Variants in ADGB observed in about 807,000 individuals in gnomAD.
The protein encoded by ADGB is calpain-7-like protein.
A neutral mutation model predicts 210.5 loss-of-function variants in ADGB; 172 were observed. That is an observed-to-expected ratio of 0.82 (90% confidence interval 0.72 to 0.93). The LOEUF (loss-of-function observed/expected upper bound fraction) is 0.93. Among genes scored for constraint, ADGB ranks in the 40% least tolerant of loss-of-function variants. The probability of loss-of-function intolerance (pLI) is 0.00; values close to 1 mark genes in which losing one functional copy is unlikely to be tolerated. For synonymous variants in ADGB, 658 were observed against 662.7 expected (o/e 0.99, Z 0.11); for missense variants, 2,025 against 1,964.8 (o/e 1.03, Z -0.58).
intron 32 of ADGB, 129 bp from the exon 33 acceptor site, chr6:146,788,260 T>C (rs1777906300): frequency 2.4e-6 from 2 of 838,142 alleles, no homozygotes; most frequent in Non-Finnish European, 3.8e-6. Flanking sequence ...GCTAGTGCTC[T>C]GGTTAGAAGT....
rs544263462 is a variant in ADGB, at chr6:146,712,802, G to A, written c.1708-2580G>A. Among the ~76,000 whole-genome samples the A allele has an allele frequency of 2.4e-4, 36 of 152,060 alleles. No individual in the cohort carries two copies. The East Asian group carries it at 3.1e-3, about 13-fold the overall frequency. ...TTTACCATCTTAACCATTTTTAAGC[G>A]TGCAGTTCAGTAGTATTGAATACAT... On this transcript the variant is annotated intron_variant, in intron 13 of 35. Transcript: ENST00000397944.
At chr6:146,778,416 G>T (rs1777753172) in intron 29 of ADGB, among the ~76,000 whole-genome samples, 1 of 152,240 alleles carries the variant, frequency 6.6e-6, no homozygotes, top group South Asian at 2.1e-4. Flanking sequence ...TAGGAGAAAA[G>T]GTGTCCTCTG....
At chr6:146,807,192 G>GC (rs1778224350) in intron 35 of ADGB, among the ~76,000 whole-genome samples, 1 of 152,046 alleles carries the variant, frequency 6.6e-6, no homozygotes, top group South Asian at 2.1e-4. Context: ...TTTTTATTTT[G>GC]CCGTACTGTG....
chr6:146,781,643 G>A (rs1211853569), intron 29 of ADGB, among the ~76,000 whole-genome samples: 3 of 151,920 alleles, frequency 2.0e-5, no homozygotes, highest in Non-Finnish European at 4.4e-5. Context: ...CAGAAGTAAG[G>A]GAATAATAAA....
At chr6:146,813,344 G>A (rs1468758760) in intron 35 of ADGB, among the ~76,000 whole-genome samples, 1 of 152,218 alleles carries the variant, frequency 6.6e-6, no homozygotes, top group East Asian at 1.9e-4. Context: ...ATGGATATTA[G>A]GGTCCGTTGG....
At chr6:146,703,972 CTTA>C (rs753200926) in intron 13 of ADGB, among the ~76,000 whole-genome samples, 2 of 151,708 alleles carry the variant, frequency 1.3e-5, no homozygotes, top group Non-Finnish European at 3.0e-5. Context: ...CTTACTAACA[CTTA>C]TTTTTGTATT....
At chr6:146,673,582 AT>A (rs1376862517) in intron 8 of ADGB, among the ~76,000 whole-genome samples, 1 of 152,160 alleles carries the variant, frequency 6.6e-6, no homozygotes, top group Non-Finnish European at 1.5e-5. Context: ...ATAAAAAGCA[AT>A]TCTCTACTTT....
chr6:146,647,604 G>A lies in ADGB; in HGVS notation c.330+2739G>A, dbSNP rs186604206. On this transcript the variant is annotated intron_variant, in intron 3 of 35. Coordinates refer to ENST00000397944, the MANE Select transcript of ADGB (RefSeq NM_024694.4). ...TCAAGTTATAGTTTGGGAAAACATT[G>A]TGTTTATTCTGTATTTATTACTTTT... Among the ~76,000 whole-genome samples the A allele has an allele frequency of 4.9e-3, 751 of 152,072 alleles. 6 individuals are homozygous for A. Among genetic ancestry groups the A allele is most frequent in the African/African-American group, 0.017 (705 of 41,526 alleles).
intron 33 of ADGB, among the ~76,000 whole-genome samples, chr6:146,795,058 A>G (rs1337238999): frequency 1.3e-5 from 2 of 152,204 alleles, no homozygotes; most frequent in African/African-American, 4.8e-5. Flanking sequence ...AGCCAGGATT[A>G]AAAATAAATA....
chr6:146,687,120 G>A (rs1427317837), intron 10 of ADGB, among the ~76,000 whole-genome samples: 1 of 151,892 alleles, frequency 6.6e-6, no homozygotes, highest in Non-Finnish European at 1.5e-5. Context: ...TCCTGAATAT[G>A]GCAGTTTCAC....
At position 146,654,195 on chromosome 6, in the gene ADGB, C is replaced by T. The variant is rs1252172669; in HGVS notation, c.391C>T (p.Leu131Phe). ...FDLFSANEHL[L>F]CSELMRWIIS... ...CTTATTTTCAGCAAATGAACATTTACTCTGCAGCGAGGTATGTACAGAAAT... is the reference window on the plus strand; with the variant it reads ...CTTATTTTCAGCAAATGAACATTTATTCTGCAGCGAGGTATGTACAGAAAT... The change falls in exon 4 of 36, where the codon CTC becomes TTC. Residue 131 changes from leucine to phenylalanine, a missense_variant. Transcript: ENST00000397944. The T allele has an allele frequency of 1.3e-6, 2 of 1,544,688 alleles. No individual in the cohort carries two copies. The highest frequency in any genetic ancestry group is 3.9e-5 in the Admixed American group (2 of 50,894).
chr6:146,629,493 A>G (rs1467282362), intron 1 of ADGB, among the ~76,000 whole-genome samples: 1 of 152,226 alleles, frequency 6.6e-6, no homozygotes, highest in Non-Finnish European at 1.5e-5. Context: ...ATAAAGCTTA[A>G]TAGCTTCAAG....
rs138560129 is a variant in ADGB, at chr6:146,637,950, G to A, written c.237+2413G>A. On this transcript the variant is annotated intron_variant, in intron 2 of 35. Coordinates refer to ENST00000397944, the MANE Select transcript of ADGB (RefSeq NM_024694.4). ...GTCACAACAACAAAAAAATCTTCAGGCCACTATCATCGATGAACATCAATG... is the reference window on the plus strand; with the variant it reads ...GTCACAACAACAAAAAAATCTTCAGACCACTATCATCGATGAACATCAATG... Among the ~76,000 whole-genome samples the A allele has an allele frequency of 5.7e-3, 870 of 151,878 alleles. 7 individuals are homozygous for A. Among genetic ancestry groups the A allele is most frequent in the Non-Finnish European group, 6.5e-3 (441 of 67,906 alleles).
At chr6:146,599,621 A>C (rs563928135) in intron 1 of ADGB, among the ~76,000 whole-genome samples, 81 of 152,312 alleles carry the variant, frequency 5.3e-4, no homozygotes, top group African/African-American at 1.9e-3. Context: ...CTAAACCTTA[A>C]AACATTATAA....
At chr6:146,782,689 G>T (rs1777819158) in intron 30 of ADGB, among the ~76,000 whole-genome samples, 1 of 152,082 alleles carries the variant, frequency 6.6e-6, no homozygotes, top group Non-Finnish European at 1.5e-5. Flanking sequence ...GGTCAGTAAG[G>T]GTCAGCTGGA....
At chr6:146,726,815 T>A (rs527820690) in intron 19 of ADGB, among the ~76,000 whole-genome samples, 1 of 152,194 alleles carries the variant, frequency 6.6e-6, no homozygotes, top group African/African-American at 2.4e-5. Flanking sequence ...GGTATAAATA[T>A]CAGTGCAGTC....
chr6:146,639,423 T>C (rs1775474805), intron 2 of ADGB, among the ~76,000 whole-genome samples: 1 of 151,990 alleles, frequency 6.6e-6, no homozygotes, highest in Non-Finnish European at 1.5e-5. Context: ...AACATTATAC[T>C]GAATGGCAAG....
At chr6:146,704,136 T>C (rs1362300080) in intron 13 of ADGB, among the ~76,000 whole-genome samples, 1 of 152,034 alleles carries the variant, frequency 6.6e-6, no homozygotes, top group African/African-American at 2.4e-5. Context: ...ATTCAGATTC[T>C]TCGCTCATTT....
chr6:146,601,149 T>A (rs1306787319), intron 1 of ADGB, among the ~76,000 whole-genome samples: 1 of 152,182 alleles, frequency 6.6e-6, no homozygotes, highest in Admixed American at 6.5e-5. Context: ...GATCCTTTGA[T>A]GGTTGTATTA....
Sources: gnomAD v4.1 joint callset for allele counts (sites outside exome capture counted in the v4.1 genomes callset) on GRCh38, gnomAD v4.1.1 for gene constraint, MANE v1.5 for transcripts, NCBI Gene and HGNC (gene_info 2026-07-23, HGNC 2026-07-21) for gene names.